RBMS3: variants seen among roughly 807,000 people sequenced by gnomAD.
RBMS3 encodes the protein RNA-binding motif, single-stranded-interacting protein 3.
RBMS3 carries 27 observed loss-of-function variants against 66.8 expected under a neutral mutation model. The ratio of observed to expected loss-of-function variants is 0.40; its 90% CI spans 0.30 to 0.56. The LOEUF is 0.56. Among genes scored for constraint, RBMS3 ranks in the 20% least tolerant of loss-of-function variants. The probability of loss-of-function intolerance (pLI) is 0.40; values close to 1 mark genes in which losing one functional copy is unlikely to be tolerated. For missense variants in RBMS3, 513 were observed against 549.5 expected (o/e 0.93, Z 0.66); for synonymous variants, 188 against 183.0 (o/e 1.03, Z -0.22).
chr3:29,343,233 T>G (rs1339596230), intron 1 of RBMS3, among the ~76,000 whole-genome samples: 1 of 152,078 alleles, frequency 6.6e-6, no homozygotes, highest in Non-Finnish European at 1.5e-5. Context: ...TTATAACAAG[T>G]GAGTATTTGC....
At chr3:29,320,501 T>C (rs887043348) in intron 1 of RBMS3, among the ~76,000 whole-genome samples, 70 of 152,182 alleles carry the variant, frequency 4.6e-4, no homozygotes, top group African/African-American at 1.6e-3. Context: ...AAATTCATAC[T>C]ATCACAGAGA....
At chr3:29,827,959 G>T (rs1181118200) in intron 6 of RBMS3, among the ~76,000 whole-genome samples, 2 of 152,006 alleles carry the variant, frequency 1.3e-5, no homozygotes, top group African/African-American at 2.4e-5. Flanking sequence ...CATTTCTCTG[G>T]TTCCCCCTTG....
rs113723001 is a variant in RBMS3, at chr3:29,390,551, A to G, written c.76-44192A>G. Reference sequence around the variant, plus strand: ...AAGAAGCATCTCCATATCAAAGTTTATTTAAAAAAAAAATGAAAAGACATG... The same window carrying G: ...AAGAAGCATCTCCATATCAAAGTTTGTTTAAAAAAAAAATGAAAAGACATG... On this transcript the variant is annotated intron_variant, in intron 1 of 14. Transcript: ENST00000383767. Among the ~76,000 whole-genome samples, 86 of 144,564 alleles carry G rather than the reference A, an allele frequency of 5.9e-4. 2 individuals are homozygous for G. Among genetic ancestry groups the G allele is most frequent in the African/African-American group, 2.1e-3 (83 of 38,994 alleles). The allele number at this position is 144,564 out of a possible 152,430, so 94.8% of individuals were successfully genotyped here.
chr3:29,297,114 T>C (rs1575490282), intron 1 of RBMS3, among the ~76,000 whole-genome samples: 1 of 151,632 alleles, frequency 6.6e-6, no homozygotes, highest in Middle Eastern at 3.4e-3. Flanking sequence ...TTGTGGGAGG[T>C]CCAATTTTTG....
chr3:29,490,876 TC>T (rs2043517170), intron 3 of RBMS3, among the ~76,000 whole-genome samples: 2 of 151,968 alleles, frequency 1.3e-5, no homozygotes, highest in Non-Finnish European at 2.9e-5. Context: ...AAGTCTTGGG[TC>T]AGACAGTTAA....
chr3:29,394,375 T>G (rs1335272297), intron 1 of RBMS3, among the ~76,000 whole-genome samples: 3 of 152,192 alleles, frequency 2.0e-5, no homozygotes, highest in African/African-American at 7.2e-5. Context: ...AGATTTCATA[T>G]TGTTCAAACA....
intron 4 of RBMS3, among the ~76,000 whole-genome samples, chr3:29,632,680 T>C (rs1242205719): frequency 6.6e-6 from 1 of 151,916 alleles, no homozygotes; most frequent in Non-Finnish European, 1.5e-5. Context: ...AATGACTAAA[T>C]GGATCTTTGT....
At chr3:29,572,815 A>G (rs926507804) in intron 3 of RBMS3, among the ~76,000 whole-genome samples, 2 of 151,932 alleles carry the variant, frequency 1.3e-5, no homozygotes, top group African/African-American at 4.8e-5. Context: ...CTCCTCCCCT[A>G]TTTTTCAGAA....
At chr3:29,305,130 GC>G (rs2033923495) in intron 1 of RBMS3, among the ~76,000 whole-genome samples, 1 of 151,648 alleles carries the variant, frequency 6.6e-6, no homozygotes, top group African/African-American at 2.4e-5. Flanking sequence ...TTCGTCAGTG[GC>G]CCCCTCTCCC....
At position 29,951,632 on chromosome 3, in the gene RBMS3, A is replaced by G. The variant is rs1417853140; in HGVS notation, c.1098+7378A>G. On this transcript the variant is annotated intron_variant, in intron 12 of 14. Transcript: ENST00000383767. ...TTCTTTGGATTCAGGAAAGTGTGTT[A>G]GGACTTTTTGAAGTATCATTAATCT... Among the ~76,000 whole-genome samples, 3 of 151,890 alleles carry G rather than the reference A, an allele frequency of 2.0e-5. No individual in the cohort carries two copies. In the East Asian group the frequency reaches 5.8e-4, roughly 30 times the overall value.
chr3:29,971,220 A>G (rs1291286636), intron 12 of RBMS3, among the ~76,000 whole-genome samples: 1 of 152,024 alleles, frequency 6.6e-6, no homozygotes, highest in African/African-American at 2.4e-5. Flanking sequence ...TCAAAACTAC[A>G]TTATTTCATT....
At chr3:29,301,548 TC>T (rs1281888319) in intron 1 of RBMS3, among the ~76,000 whole-genome samples, 2 of 152,008 alleles carry the variant, frequency 1.3e-5, no homozygotes, top group Non-Finnish European at 2.9e-5. Flanking sequence ...GCTCTAATGA[TC>T]CTTTAGTGTG....
At chr3:29,929,365 G>A (rs1307527666) in intron 10 of RBMS3, among the ~76,000 whole-genome samples, 1 of 152,128 alleles carries the variant, frequency 6.6e-6, no homozygotes, top group Admixed American at 6.5e-5. Context: ...AAGCATTATT[G>A]AGAATCCTAA....
At chr3:29,467,389 T>C (rs2125790850) in intron 2 of RBMS3, among the ~76,000 whole-genome samples, 1 of 152,328 alleles carries the variant, frequency 6.6e-6, no homozygotes, top group South Asian at 2.1e-4. Context: ...TCAACAAAAA[T>C]GCATGGAATT....
intron 10 of RBMS3, chr3:29,903,331 A>T (rs2060300585): frequency 6.6e-6 from 1 of 151,982 alleles, no homozygotes; most frequent in Admixed American, 6.6e-5. Context: ...CTCTGAGAAG[A>T]CAGCACTGTT....
rs1272764498 is a variant in RBMS3, at chr3:29,816,301, G to GAC, written c.638-52549_638-52548dup. Reference sequence around the variant, plus strand: ...GTGCGCGCACACACAGACACACACAGACACACACAGACACACACACACACA... The same window carrying GAC: ...GTGCGCGCACACACAGACACACACAGACACACACACAGACACACACACACACA... On this transcript the variant is annotated intron_variant, in intron 6 of 14. Coordinates refer to ENST00000383767, the MANE Select transcript of RBMS3 (RefSeq NM_001003793.3). Among the ~76,000 whole-genome samples, 4 of 135,950 alleles carry GAC rather than the reference G, an allele frequency of 2.9e-5. No individual in the cohort carries two copies. In the South Asian group the frequency reaches 8.0e-4, roughly 27 times the overall value. 89.2% of individuals were successfully genotyped at this position (135,950 alleles called of 152,430 possible). A position where few individuals can be genotyped will look rare whatever the true frequency, so the allele number is the denominator to read the frequency against.
intron 6 of RBMS3, among the ~76,000 whole-genome samples, chr3:29,844,944 T>C (rs1245738335): frequency 6.6e-6 from 1 of 152,202 alleles, no homozygotes; most frequent in Admixed American, 6.5e-5. Flanking sequence ...TGCACAGTTA[T>C]TCAGAATCTT....
At chr3:29,715,480 A>G (rs2053353598) in intron 4 of RBMS3, among the ~76,000 whole-genome samples, 1 of 152,078 alleles carries the variant, frequency 6.6e-6, no homozygotes, top group African/African-American at 2.4e-5. Context: ...TCCGCCTTCA[A>G]TTTAAGCCAA....
Position 29,346,563 on chromosome 3 carries a change from C to T in RBMS3, c.75+64807C>T, listed in dbSNP as rs561108379. On this transcript the variant is annotated intron_variant, in intron 1 of 14. Coordinates refer to ENST00000383767, the MANE Select transcript of RBMS3 (RefSeq NM_001003793.3). ...GGATTACAGGTGCCGACCACCATGCCCAGCTAATTTTTGTATTTTTAGTAG... is the reference window on the plus strand; with the variant it reads ...GGATTACAGGTGCCGACCACCATGCTCAGCTAATTTTTGTATTTTTAGTAG... Among the ~76,000 whole-genome samples, 289 of 151,958 alleles carry T rather than the reference C, an allele frequency of 1.9e-3. 1 individual carries two copies. Among genetic ancestry groups the T allele is most frequent in the African/African-American group, 6.8e-3 (281 of 41,454 alleles).
Sources: allele counts gnomAD v4.1 joint callset (sites outside exome capture counted in the v4.1 genomes callset), GRCh38; gene constraint gnomAD v4.1.1; transcripts MANE v1.5; gene names NCBI Gene and HGNC (gene_info 2026-07-23, HGNC 2026-07-21).